RSPRY1: variants seen among roughly 807,000 people sequenced by gnomAD.
The protein encoded by RSPRY1 is RING finger and SPRY domain-containing protein 1.
In RSPRY1, 23 loss-of-function variants were observed where a neutral mutation model predicts 73.1. That is an observed-to-expected ratio of 0.31 (90% CI 0.23 to 0.45). The LOEUF (loss-of-function observed/expected upper bound fraction) is 0.45. Ranked by LOEUF, RSPRY1 falls within the 20% of genes least tolerant of loss-of-function variation. The pLI, the probability that RSPRY1 is intolerant of heterozygous loss-of-function variation, is 1.00. For missense variants in RSPRY1, 448 were observed against 698.7 expected, an observed-to-expected ratio of 0.64 and a Z score of 4.05; for synonymous variants, 226 against 251.4, an observed-to-expected ratio of 0.90 and a Z score of 0.95.
chr16:57,234,963 A>C (rs1354916257), intron 13 of RSPRY1, among the ~76,000 whole-genome samples, 161 bp from the exon 14 acceptor site: 6 of 152,212 alleles, frequency 3.9e-5, no homozygotes, highest in African/African-American at 1.4e-4. Context: ...TTAGAAAATG[A>C]TTGTAGGATT....
intron 1 of RSPRY1, among the ~76,000 whole-genome samples, chr16:57,189,739 G>A (rs1307637614): frequency 2.6e-5 from 4 of 151,500 alleles, no homozygotes; most frequent in Non-Finnish European, 4.4e-5. Context: ...CTACAGGTGC[G>A]AGCCACCACA....
At chr16:57,216,390 C>T (rs2146302753) in intron 7 of RSPRY1, 1 of 493,610 alleles carries the variant, frequency 2.0e-6, no homozygotes, top group South Asian at 3.2e-5. Context: ...CATGTTTACT[C>T]ACTTTTTATA....
chr16:57,187,867 C>A (rs1254850628), intron 1 of RSPRY1, among the ~76,000 whole-genome samples: 7 of 152,138 alleles, frequency 4.6e-5, no homozygotes, highest in African/African-American at 1.4e-4. Context: ...TTACTTTGAA[C>A]TTCTTATGGT....
chr16:57,190,216 A>C (rs1013175503), intron 1 of RSPRY1, among the ~76,000 whole-genome samples: 8 of 152,066 alleles, frequency 5.3e-5, no homozygotes. Flanking sequence ...AAAAAATACA[A>C]AAATTAGCCC....
intron 1 of RSPRY1, among the ~76,000 whole-genome samples, chr16:57,188,467 A>G (rs2074290941): frequency 1.3e-5 from 2 of 152,172 alleles, no homozygotes; most frequent in Non-Finnish European, 2.9e-5. Context: ...AATATCGGGC[A>G]ATTTATATGG....
At chr16:57,234,061 C>T (rs747200285) in intron 13 of RSPRY1, among the ~76,000 whole-genome samples, 55 of 152,162 alleles carry the variant, frequency 3.6e-4, no homozygotes, top group Non-Finnish European at 5.1e-4. Context: ...TCCCAGGCCC[C>T]GTACAATTTG....
chr16:57,201,428 C>T (rs558260688), intron 1 of RSPRY1, among the ~76,000 whole-genome samples: 2 of 150,048 alleles, frequency 1.3e-5, no homozygotes, highest in South Asian at 2.1e-4. Flanking sequence ...CTCCTCACTT[C>T]CTAGATGGGA....
intron 1 of RSPRY1, among the ~76,000 whole-genome samples, chr16:57,188,064 G>C (rs1377119188): frequency 6.6e-6 from 1 of 152,198 alleles, no homozygotes; most frequent in Non-Finnish European, 1.5e-5. Context: ...GTTGTGATTT[G>C]TAAAGACTGC....
chr16:57,229,639 C>G (rs1482830671), intron 11 of RSPRY1, among the ~76,000 whole-genome samples: 1 of 140,290 alleles, frequency 7.1e-6, no homozygotes, highest in African/African-American at 2.7e-5. Flanking sequence ...ATAACAAAAC[C>G]AAAAACTGAA....
intron 9 of RSPRY1, 43 bp from the exon 10 acceptor site, chr16:57,221,229 T>C (rs762970360): frequency 6.2e-7 from 1 of 1,607,712 alleles, no homozygotes. Context: ...TTGGTGGTCT[T>C]CAGGCCCTCA....
At chr16:57,221,102 T>G (rs1483181808) in intron 9 of RSPRY1, among the ~76,000 whole-genome samples, 170 bp from the exon 10 acceptor site, 1 of 152,196 alleles carries the variant, frequency 6.6e-6, no homozygotes, top group Non-Finnish European at 1.5e-5. Flanking sequence ...GCCAAATGCC[T>G]TATGTAGTTT....
At chr16:57,188,344 C>G (rs941645749) in intron 1 of RSPRY1, among the ~76,000 whole-genome samples, 1 of 151,154 alleles carries the variant, frequency 6.6e-6, no homozygotes, top group East Asian at 1.9e-4. Context: ...CAATCATTTC[C>G]TGGGATGGTA....
chr16:57,237,745 T>C (rs1234208895), intron 14 of RSPRY1, among the ~76,000 whole-genome samples: 1 of 152,126 alleles, frequency 6.6e-6, no homozygotes, highest in African/African-American at 2.4e-5. Context: ...GGAGTCTCGC[T>C]CTGTCACCCA....
At chr16:57,210,570 C>T (rs530383683) in intron 4 of RSPRY1, among the ~76,000 whole-genome samples, 8 of 151,988 alleles carry the variant, frequency 5.3e-5, no homozygotes, top group East Asian at 1.9e-4. Context: ...AAAAATCAGC[C>T]GGGAGTGGTG....
intron 8 of RSPRY1, among the ~76,000 whole-genome samples, chr16:57,218,583 C>T (rs1382491333): frequency 1.3e-5 from 2 of 151,960 alleles, no homozygotes; most frequent in South Asian, 2.1e-4. Context: ...TGAGAACACA[C>T]GAAGTTTGTC....
At chr16:57,213,247 A>G (rs1054645291) in intron 5 of RSPRY1, 149 bp downstream of exon 5, 7 of 711,522 alleles carry the variant, frequency 9.8e-6, no homozygotes, top group African/African-American at 7.3e-5. Context: ...GAAGAAAATT[A>G]CTGAAAGGCT....
intron 12 of RSPRY1, 47 bp downstream of exon 12, chr16:57,230,860 C>T (rs762398806): frequency 2.8e-6 from 3 of 1,076,246 alleles, no homozygotes; most frequent in Middle Eastern, 2.0e-4. Context: ...GCACGGAATG[C>T]CCTTTTCTCT....
upstream of RSPRY1, chr16:57,186,161 T>A: frequency 1.0e-6 from 1 of 985,482 alleles, no homozygotes; most frequent in Non-Finnish European, 1.2e-6. Flanking sequence ...CATTCACGCC[T>A]CAGGATGAGG....
Position 57,231,153 on chromosome 16 carries a change from CATTTT to C in RSPRY1, c.1377-9_1377-5del, listed in dbSNP as rs769263528. The stretch of plus-strand genomic sequence containing the variant: ...TATTAATTCTATTGGCCTCTGTACT[CATTTT>C]ATTTGTAGATCTGGATTTTTTGCTG... On this transcript the variant is annotated splice_polypyrimidine_tract_variant and intron_variant, in intron 12 of 14. Transcript: ENST00000394420. The C allele has an allele frequency of 1.4e-5, 22 of 1,610,868 alleles. No homozygotes were observed. The highest frequency in any genetic ancestry group is 1.9e-5 in the Non-Finnish European group (22 of 1,178,318).
Sources: gnomAD v4.1 joint callset for allele counts (sites outside exome capture counted in the v4.1 genomes callset) on GRCh38, gnomAD v4.1.1 for gene constraint, MANE v1.5 for transcripts, NCBI Gene and HGNC (gene_info 2026-07-23, HGNC 2026-07-21) for gene names.